Variants in COL24A1 observed in about 807,000 individuals in gnomAD.
COL24A1 encodes the protein collagen type XXIV alpha 1 chain.
COL24A1 carries 224 observed loss-of-function variants against 253.9 expected under a neutral mutation model. That is an observed-to-expected ratio of 0.88 (90% CI 0.79 to 0.99). COL24A1 has a LOEUF of 0.99. Ranked by LOEUF, COL24A1 falls within the 50% of genes least tolerant of loss-of-function variation. The pLI, the probability that COL24A1 is intolerant of heterozygous loss-of-function variation, is 0.00. For synonymous variants in COL24A1, 685 were observed against 673.7 expected (o/e 1.02, Z -0.26); for missense variants, 2,131 against 2,068.5 (o/e 1.03, Z -0.59).
chr1:86,099,918 C>G (rs1704295515), intron 5 of COL24A1, among the ~76,000 whole-genome samples: 1 of 152,044 alleles, frequency 6.6e-6, no homozygotes, highest in African/African-American at 2.4e-5. Context: ...AGAATAAAAT[C>G]CGACCAAAAT....
intron 20 of COL24A1, among the ~76,000 whole-genome samples, chr1:85,974,554 G>T (rs1429629120): frequency 6.6e-6 from 1 of 152,064 alleles, no homozygotes; most frequent in Non-Finnish European, 1.5e-5. Context: ...TATTGTAGGA[G>T]TATATTTATA....
chr1:85,890,412 C>CT (rs35384514), intron 31 of COL24A1, among the ~76,000 whole-genome samples: 58,699 of 147,112 alleles, frequency 0.4, 12,105 homozygotes, highest in African/African-American at 0.5. Context: ...CACAAATTTT[C>CT]TTTTTTTTTT....
intron 19 of COL24A1, among the ~76,000 whole-genome samples, chr1:86,001,760 C>T (rs554147347): frequency 1.0e-3 from 159 of 151,888 alleles, no homozygotes; most frequent in African/African-American, 3.7e-3. Context: ...AATATATATA[C>T]ACACACACAC....
intron 19 of COL24A1, among the ~76,000 whole-genome samples, chr1:86,012,257 A>G (rs1414660645): frequency 1.3e-5 from 2 of 152,222 alleles, no homozygotes; most frequent in Non-Finnish European, 2.9e-5. Context: ...TCATTCAAAT[A>G]AGTTCTCTGC....
At chr1:86,014,034 CCT>C (rs1309054963) in intron 19 of COL24A1, among the ~76,000 whole-genome samples, 1 of 152,152 alleles carries the variant, frequency 6.6e-6, no homozygotes, top group Non-Finnish European at 1.5e-5. Flanking sequence ...TCCTATCTGA[CCT>C]CTTTCAACTT....
chr1:85,791,254 A>T (rs538297202), intron 47 of COL24A1, among the ~76,000 whole-genome samples: 137 of 152,248 alleles, frequency 9.0e-4, no homozygotes, highest in African/African-American at 3.1e-3. Flanking sequence ...CAAGGAGTCA[A>T]TGCTGAGTAT....
intron 2 of COL24A1, among the ~76,000 whole-genome samples, chr1:86,135,719 T>C (rs1225931206): frequency 6.6e-6 from 1 of 152,170 alleles, no homozygotes; most frequent in East Asian, 1.9e-4. Flanking sequence ...TTTCCCTGAG[T>C]TCTTTCATTT....
intron 19 of COL24A1, among the ~76,000 whole-genome samples, chr1:85,990,582 C>A (rs1694157267): frequency 6.6e-6 from 1 of 152,180 alleles, no homozygotes; most frequent in African/African-American, 2.4e-5. Flanking sequence ...GGTCACAAAC[C>A]AGTACAGGTC....
In COL24A1 at chr1:85,986,352, C is replaced by T. The variant is rs1039270444; in HGVS notation, c.2364+1249G>A. On this transcript the variant is annotated intron_variant, in intron 20 of 59. Coordinates refer to ENST00000370571, the MANE Select transcript of COL24A1 (RefSeq NM_152890.7). ...TAGTTTTCCTGTCTTCAATTTCTCCCCTCTTTAAACCATCCTCCAAACTGA... is the reference window on the plus strand; with the variant it reads ...TAGTTTTCCTGTCTTCAATTTCTCCTCTCTTTAAACCATCCTCCAAACTGA... 1.1e-4 allele frequency among the ~76,000 whole-genome samples: 16 copies of T among 151,834 alleles called. No homozygotes were observed. In the East Asian group the frequency reaches 2.7e-3, roughly 26 times the overall value.
At position 86,125,445 on chromosome 1, in the gene COL24A1, A is replaced by G; in HGVS notation, c.891T>C (p.Asp297=). The change falls in exon 3 of 60, where the codon GAT becomes GAC. Residue 297 remains aspartate (D), a synonymous_variant. Coordinates refer to ENST00000370571, the MANE Select transcript of COL24A1 (RefSeq NM_152890.7). The stretch of plus-strand genomic sequence containing the variant: ...CTTGTCTTTTATACACGGTTTCAGA[A>G]TCATTTTTTATGATATTTGGAATGC... The part of the protein sequence containing the change: ...GKSIPNIIKN[D]SETVYKRQEH... 1.2e-6 allele frequency: 2 copies of G among 1,613,600 alleles called. No homozygotes were observed. Among genetic ancestry groups the G allele is most frequent in the Non-Finnish European group, 1.7e-6 (2 of 1,179,788 alleles).
chr1:85,876,745 T>G (rs1026813630), intron 33 of COL24A1, among the ~76,000 whole-genome samples: 3 of 152,210 alleles, frequency 2.0e-5, no homozygotes, highest in Admixed American at 2.0e-4. Flanking sequence ...ATAAAATAAT[T>G]GGATATTTAT....
intron 1 of COL24A1, among the ~76,000 whole-genome samples, chr1:86,150,038 C>G (rs1652528792): frequency 6.6e-6 from 1 of 152,138 alleles, no homozygotes; most frequent in African/African-American, 2.4e-5. Flanking sequence ...AGTATGGATC[C>G]CACTACCCCT....
chr1:85,843,460 C>T (rs111537331), intron 39 of COL24A1, among the ~76,000 whole-genome samples: 78 of 152,200 alleles, frequency 5.1e-4, no homozygotes, highest in Admixed American at 5.2e-4. Context: ...ATGACATATG[C>T]TTGCTTCAAT....
intron 24 of COL24A1, among the ~76,000 whole-genome samples, chr1:85,917,720 T>C (rs1351469964): frequency 1.3e-5 from 2 of 152,168 alleles, no homozygotes; most frequent in Non-Finnish European, 2.9e-5. Context: ...AGATGGAGTC[T>C]TGCTCTGTCG....
At chr1:85,998,755 C>T (rs79947224) in intron 19 of COL24A1, among the ~76,000 whole-genome samples, 11,145 of 152,198 alleles carry the variant, frequency 0.073, 465 homozygotes, top group Middle Eastern at 0.13. Context: ...TTTCTGACTG[C>T]CCATTATAAA....
rs138056812 is a variant in COL24A1, at chr1:86,080,519, C to T, written c.1707+8655G>A. Reference sequence around the variant, plus strand: ...TGATGTGATCAGTATGCATTGCAGCCTGTACCAAAATATGTCATGCACCCC... The same window carrying T: ...TGATGTGATCAGTATGCATTGCAGCTTGTACCAAAATATGTCATGCACCCC... On this transcript the variant is annotated intron_variant, in intron 7 of 59. Coordinates refer to ENST00000370571, the MANE Select transcript of COL24A1 (RefSeq NM_152890.7). 1.6e-3 allele frequency among the ~76,000 whole-genome samples: 247 copies of T among 152,124 alleles called. 1 individual carries two copies. Among genetic ancestry groups the T allele is most frequent in the East Asian group, 0.012 (62 of 5,188 alleles).
At chr1:85,972,880 G>A (rs1038430712) in intron 20 of COL24A1, among the ~76,000 whole-genome samples, 2 of 152,216 alleles carry the variant, frequency 1.3e-5, no homozygotes, top group African/African-American at 2.4e-5. Flanking sequence ...GCCTGAGAAT[G>A]AAATCAATGA....
intron 20 of COL24A1, among the ~76,000 whole-genome samples, chr1:85,975,797 C>T (rs1692615738): frequency 6.6e-6 from 1 of 152,144 alleles, no homozygotes; most frequent in Non-Finnish European, 1.5e-5. Flanking sequence ...CTGTGAGTTC[C>T]CAAAGTGTGT....
At position 85,926,611 on chromosome 1, in the gene COL24A1, G is replaced by A. The variant is rs1167935759; in HGVS notation, c.2563-15178C>T. Reference sequence around the variant, plus strand: ...ATGTTCTCACTCATAGGTGGGAATTGAACAATGAGTACACTTGGACACAGG... The same window carrying A: ...ATGTTCTCACTCATAGGTGGGAATTAAACAATGAGTACACTTGGACACAGG... On this transcript the variant is annotated intron_variant, in intron 24 of 59. Coordinates refer to ENST00000370571, the MANE Select transcript of COL24A1 (RefSeq NM_152890.7). 3.3e-5 allele frequency among the ~76,000 whole-genome samples: 5 copies of A among 151,408 alleles called. No individual in the cohort carries two copies. In the East Asian group the frequency reaches 9.8e-4, roughly 30 times the overall value.
Sources: allele counts gnomAD v4.1 joint callset (sites outside exome capture counted in the v4.1 genomes callset), GRCh38; gene constraint gnomAD v4.1.1; transcripts MANE v1.5; gene names NCBI Gene and HGNC (gene_info 2026-07-23, HGNC 2026-07-21).